TNRC6C: variants seen among roughly 807,000 people sequenced by gnomAD.
The protein encoded by TNRC6C is trinucleotide repeat-containing gene 6C protein.
Under a neutral mutation model 153.7 loss-of-function variants are expected in TNRC6C, and 20 were observed. The observed-to-expected ratio is 0.13, with a 90% CI of 0.09 to 0.19. TNRC6C has a LOEUF of 0.19. TNRC6C is among the 10% of genes least tolerant of loss of function. The pLI is 1.00. For missense variants in TNRC6C, 1,987 were observed against 2,172.0 expected (o/e 0.91, Z 1.69); for synonymous variants, 811 against 841.4 (o/e 0.96, Z 0.63).
At chr17:78,031,614 C>T (rs1053343058) in exon 2 of TNRC6C, 4 of 1,232,396 alleles carry the variant, frequency 3.2e-6, no homozygotes, top group Non-Finnish European at 4.0e-6. Flanking sequence ...CAATGGCAAA[C>T]GTGCATCTGC....
intron 17 of TNRC6C, among the ~76,000 whole-genome samples, chr17:78,101,530 A>AT (rs1442810714): frequency 9.9e-5 from 15 of 152,198 alleles, no homozygotes; most frequent in African/African-American, 3.1e-4. Context: ...CACTAGAGGA[A>AT]TTAAAGACAC....
At chr17:78,051,233 TTGA>T in exon 3 of TNRC6C, 2 of 1,560,652 alleles carry the variant, frequency 1.3e-6, no homozygotes, top group Non-Finnish European at 1.7e-6. Flanking sequence ...AAAATGGAAA[TTGA>T]TGATGGTACC....
chr17:78,028,894 G>A (rs1349139371), intron 1 of TNRC6C, among the ~76,000 whole-genome samples: 1 of 152,184 alleles, frequency 6.6e-6, no homozygotes, highest in Admixed American at 6.5e-5. Flanking sequence ...TTGTGTACAA[G>A]ATGAGGTGGG....
chr17:78,049,755 A>T lies in TNRC6C; in HGVS notation c.693A>T (p.Ser231=), dbSNP rs1008973673. The T allele has an allele frequency of 4.4e-6, 7 of 1,589,932 alleles. No individual in the cohort carries two copies. Among genetic ancestry groups the T allele is most frequent in the East Asian group, 2.2e-5 (1 of 44,660 alleles). ...AAGGCCTTCCTGGTGCTAATGGATC[A>T]TCAGTTTCTCAAGTCAGTGGGGGCA... The change falls in exon 3 of 20, where the codon TCA becomes TCT. Residue 231 remains serine, a synonymous_variant. Transcript: ENST00000301624. This position sits in a 1 kb window ranked among gnomAD's most constrained non-coding sequence, Gnocchi z 4.1.
At chr17:78,105,668 C>T (rs1236369567) in exon 20 of TNRC6C, 1 of 152,200 alleles carries the variant, frequency 6.6e-6, no homozygotes, top group Non-Finnish European at 1.5e-5. Flanking sequence ...GCGCGTGCTC[C>T]TGCACGGCGT....
In TNRC6C at chr17:78,068,996, A is replaced by C. The variant is rs1438032924; in HGVS notation, c.2778+1073A>C. Among the ~76,000 whole-genome samples the C allele has an allele frequency of 2.0e-5, 3 of 152,340 alleles. No individual in the cohort carries two copies. In the East Asian group the frequency reaches 5.8e-4, roughly 29 times the overall value. ...ATGAAAACATGAAAGAACATTAAAA[A>C]CAATTTTGGACTCAGAGAGGCCTAA... is the stretch of plus-strand genomic sequence containing the variant. On this transcript the variant is annotated intron_variant, in intron 5 of 19. Coordinates refer to ENST00000301624, the Ensembl canonical transcript of TNRC6C.
At chr17:78,031,809 G>A (rs1202544554) in exon 2 of TNRC6C, 22 of 1,232,108 alleles carry the variant, frequency 1.8e-5, no homozygotes, top group South Asian at 1.6e-4. Flanking sequence ...ACCTGGAGCC[G>A]GAACACAGCA....
At chr17:78,000,976 A>G (rs1180455943), upstream of TNRC6C, among the ~76,000 whole-genome samples, 1 of 152,250 alleles carries the variant, frequency 6.6e-6, no homozygotes, top group Non-Finnish European at 1.5e-5. Context: ...CTCTGAAACA[A>G]AAATAAATTA....
At chr17:78,101,519 G>A (rs992768907) in intron 17 of TNRC6C, among the ~76,000 whole-genome samples, 2 of 152,152 alleles carry the variant, frequency 1.3e-5, no homozygotes, top group African/African-American at 4.8e-5. Context: ...TAACCCAGAG[G>A]CACTAGAGGA....
At chr17:77,993,539 C>A (rs144158858) in intron 1 of TNRC6C, among the ~76,000 whole-genome samples, 190 of 152,262 alleles carry the variant, frequency 1.2e-3, no homozygotes, top group South Asian at 2.3e-3. Flanking sequence ...CTCACAGTCT[C>A]AAATGTGATC....
chr17:78,012,433 GC>G (rs903210617), intron 1 of TNRC6C, among the ~76,000 whole-genome samples: 11 of 151,826 alleles, frequency 7.2e-5, no homozygotes, highest in Admixed American at 6.6e-4. Flanking sequence ...TGTACATCAA[GC>G]CCCCCATGAC....
exon 20 of TNRC6C, chr17:78,108,813 T>G (rs566942679): frequency 2.0e-5 from 3 of 152,346 alleles, no homozygotes; most frequent in African/African-American, 7.2e-5. Flanking sequence ...AAATTTTTTT[T>G]TAAATGGCAG....
intron 11 of TNRC6C, among the ~76,000 whole-genome samples, chr17:78,085,591 T>C (rs2073265076): frequency 6.6e-6 from 1 of 152,194 alleles, no homozygotes; most frequent in African/African-American, 2.4e-5. Context: ...AAAGCTTCTA[T>C]GTCAGTGTAC....
chr17:78,076,041 A>G (rs1013123007), intron 8 of TNRC6C, among the ~76,000 whole-genome samples: 3 of 151,836 alleles, frequency 2.0e-5, no homozygotes, highest in African/African-American at 7.3e-5. Flanking sequence ...ACATGGTGAA[A>G]CCCCGTCTCT....
intron 2 of TNRC6C, among the ~76,000 whole-genome samples, chr17:78,038,447 G>C (rs1433920843): frequency 6.6e-6 from 1 of 152,044 alleles, no homozygotes; most frequent in Non-Finnish European, 1.5e-5. Context: ...GCCGAGGCAG[G>C]TGGATCACGA....
intron 1 of TNRC6C, among the ~76,000 whole-genome samples, chr17:77,998,494 A>G (rs1414053794): frequency 6.6e-6 from 1 of 152,104 alleles, no homozygotes; most frequent in Non-Finnish European, 1.5e-5. Context: ...ATTATCCTTC[A>G]GGTCCCCGAG....
intron 11 of TNRC6C, among the ~76,000 whole-genome samples, chr17:78,083,773 C>G (rs939769276): frequency 6.6e-6 from 1 of 152,048 alleles, no homozygotes; most frequent in African/African-American, 2.4e-5. Flanking sequence ...GCTGATGTGA[C>G]CTAATAATTC....
In TNRC6C at chr17:78,075,069, G is replaced by C; in HGVS notation, c.2918-67G>C. On this transcript the variant is annotated intron_variant, in intron 7 of 19. Coordinates refer to ENST00000301624, the Ensembl canonical transcript of TNRC6C. The surrounding 1 kb of genome is among the most constrained non-coding windows in gnomAD (Gnocchi z 4.2). The stretch of plus-strand genomic sequence containing the variant: ...CCATCCCTCCTTGAGGCCTTAGCTG[G>C]TGCCTATCTTGTGCTCAGCACTCAC... 6.4e-7 allele frequency: 1 copy of C among 1,570,372 alleles called. No homozygotes were observed. The highest frequency in any genetic ancestry group is 8.7e-7 in the Non-Finnish European group (1 of 1,154,424).
Position 77,962,842 on chromosome 17 carries a change from G to C in TNRC6C, c.-38+3574G>C, listed in dbSNP as rs147025443. 2.6e-5 allele frequency among the ~76,000 whole-genome samples: 4 copies of C among 152,338 alleles called. No individual in the cohort carries two copies. The East Asian group carries it at 7.7e-4, about 29-fold the overall frequency. On this transcript the variant is annotated intron_variant, in intron 1 of 22. Coordinates refer to the TNRC6C transcript ENST00000636222. ...GGTGACACAGTCTTTGGTCTCTCTT[G>C]CATGACAACTGGTCCCAGTGAAGGT... is the stretch of plus-strand genomic sequence containing the variant.
Sources: gnomAD v4.1 joint callset for allele counts (sites outside exome capture counted in the v4.1 genomes callset) on GRCh38, gnomAD v4.1.1 for gene constraint, Gnocchi (gnomAD v3.1) non-coding constraint, MANE v1.5 for transcripts, NCBI Gene and HGNC (gene_info 2026-07-23, HGNC 2026-07-21) for gene names.